Variants in LRRC9 observed in about 807,000 individuals in gnomAD.
The protein encoded by LRRC9 is leucine-rich repeat-containing protein 9.
Under a neutral mutation model 63.2 loss-of-function variants are expected in LRRC9, and 122 were observed. The ratio of observed to expected loss-of-function variants is 1.93; its 90% confidence interval spans 1.67 to 2.24. The LOEUF is 2.24. LRRC9 is among the 30% of genes most tolerant of loss of function. The probability of loss-of-function intolerance (pLI) is 0.00; values close to 1 mark genes in which losing one functional copy is unlikely to be tolerated. For missense variants in LRRC9, 1,071 were observed against 627.7 expected, an observed-to-expected ratio of 1.71 and a Z score of -7.55; for synonymous variants, 366 against 213.1, an observed-to-expected ratio of 1.72 and a Z score of -6.25.
At chr14:60,059,824 G>C (rs1378024962) in intron 31 of LRRC9, among the ~76,000 whole-genome samples, 3 of 152,248 alleles carry the variant, frequency 2.0e-5, no homozygotes, top group African/African-American at 7.2e-5. Context: ...AGCAAGTGCT[G>C]ATGTAGAAGC....
chr14:60,055,916 A>C (rs1028026865), intron 30 of LRRC9, among the ~76,000 whole-genome samples: 1 of 151,188 alleles, frequency 6.6e-6, no homozygotes, highest in African/African-American at 2.4e-5. Flanking sequence ...GAAAAAAAAA[A>C]AAAAAGTATT....
intron 17 of LRRC9, 89 bp from the exon 18 acceptor site, chr14:59,997,567 T>C: frequency 1.7e-6 from 1 of 590,082 alleles, no homozygotes; most frequent in Non-Finnish European, 3.0e-6. Context: ...CCAGGAAGTG[T>C]GTAAAGTATG....
At chr14:59,943,292 C>T (rs138438045) in intron 7 of LRRC9, among the ~76,000 whole-genome samples, 12 of 152,072 alleles carry the variant, frequency 7.9e-5, no homozygotes, top group African/African-American at 2.6e-4. Flanking sequence ...TCAAGTTTTA[C>T]ATTTAAGTCC....
chr14:60,039,824 C>T (rs1170316276), intron 29 of LRRC9, among the ~76,000 whole-genome samples: 1 of 152,056 alleles, frequency 6.6e-6, no homozygotes. Context: ...CGTGTTTGCT[C>T]TTGCTTCTCT....
intron 7 of LRRC9, among the ~76,000 whole-genome samples, chr14:59,940,976 C>T (rs1011241755): frequency 6.6e-5 from 10 of 151,842 alleles, no homozygotes; most frequent in Non-Finnish European, 1.5e-5. Flanking sequence ...TGCATGTGGT[C>T]AGCCTACAAA....
At chr14:59,992,237 C>T (rs965381671) in intron 17 of LRRC9, among the ~76,000 whole-genome samples, 3 of 152,168 alleles carry the variant, frequency 2.0e-5, no homozygotes, top group African/African-American at 7.2e-5. Flanking sequence ...TCCAACAGAC[C>T]TGCAGCTGAG....
At chr14:60,037,234 A>G (rs1327866699) in intron 29 of LRRC9, among the ~76,000 whole-genome samples, 1 of 152,206 alleles carries the variant, frequency 6.6e-6, no homozygotes, top group Non-Finnish European at 1.5e-5. Context: ...ATATGTGTGC[A>G]TGTGTCTTTA....
intron 29 of LRRC9, among the ~76,000 whole-genome samples, chr14:60,040,205 G>A (rs1892826710): frequency 1.3e-5 from 2 of 151,942 alleles, no homozygotes; most frequent in Admixed American, 1.3e-4. Flanking sequence ...TGGAATAAAT[G>A]CGGTGTGGTG....
intron 29 of LRRC9, among the ~76,000 whole-genome samples, chr14:60,045,130 T>C (rs1893305429): frequency 6.6e-6 from 1 of 152,036 alleles, no homozygotes; most frequent in Non-Finnish European, 1.5e-5. Flanking sequence ...TGCTCTTTTA[T>C]TTGAAGGGGC....
chr14:60,047,789 A>T (rs1408463358), intron 29 of LRRC9, among the ~76,000 whole-genome samples: 1 of 152,184 alleles, frequency 6.6e-6, no homozygotes, highest in Non-Finnish European at 1.5e-5. Flanking sequence ...CTCTGGATCA[A>T]GTGGATCTGA....
chr14:59,945,673 T>C (rs1435079303), intron 8 of LRRC9, among the ~76,000 whole-genome samples: 2 of 151,930 alleles, frequency 1.3e-5, no homozygotes, highest in African/African-American at 4.8e-5. Flanking sequence ...TCTGAAAAAA[T>C]GTCTTCAACA....
In LRRC9 at chr14:59,927,775, C is replaced by T; in HGVS notation, c.-33-136C>T. On this transcript the variant is annotated intron_variant, in intron 1 of 31. Coordinates refer to ENST00000445360, the Ensembl canonical transcript of LRRC9. The surrounding 1 kb of genome is among the most constrained non-coding windows in gnomAD (Gnocchi z 4.4). ...ACAGAAAACTCCCTCAGAGTTTATA[C>T]AGATACTTGGTAATATACTATGTGA... is the stretch of plus-strand genomic sequence containing the variant. 5.0e-6 allele frequency: 2 copies of T among 400,836 alleles called. No homozygotes were observed. Among genetic ancestry groups the T allele is most frequent in the Non-Finnish European group, 8.8e-6 (2 of 226,132 alleles). The allele number at this position is 400,836 out of a possible 1,614,324, so 24.8% of individuals were successfully genotyped here.
intron 8 of LRRC9, among the ~76,000 whole-genome samples, chr14:59,952,376 C>A (rs1309028362): frequency 1.3e-5 from 2 of 152,180 alleles, no homozygotes; most frequent in Non-Finnish European, 2.9e-5. Flanking sequence ...GGTGCGCGCA[C>A]CCACTGGCCT....
intron 29 of LRRC9, among the ~76,000 whole-genome samples, chr14:60,033,644 T>A (rs1003547007): frequency 6.6e-6 from 1 of 152,174 alleles, no homozygotes; most frequent in Admixed American, 6.5e-5. Context: ...TATATTTTAT[T>A]GGATTCAATT....
At chr14:60,020,690 C>A (rs1225860206) in intron 26 of LRRC9, among the ~76,000 whole-genome samples, 2 of 151,898 alleles carry the variant, frequency 1.3e-5, no homozygotes, top group Non-Finnish European at 2.9e-5. Context: ...ATTGTATTTT[C>A]TAGACATTGC....
intron 8 of LRRC9, among the ~76,000 whole-genome samples, chr14:59,953,477 G>A (rs150677712): frequency 1.1e-3 from 161 of 152,072 alleles, no homozygotes; most frequent in African/African-American, 3.6e-3. Flanking sequence ...GTGTCTGTTC[G>A]TATCCTTCTT....
intron 23 of LRRC9, among the ~76,000 whole-genome samples, chr14:60,014,130 T>C (rs1890486821): frequency 6.6e-6 from 1 of 152,116 alleles, no homozygotes; most frequent in African/African-American, 2.4e-5. Context: ...CATAACTTAC[T>C]ATAGTCTGTT....
rs142605566 is a variant in LRRC9 at position 59,924,042 on chromosome 14, T to G, written c.-33-3869T>G. On this transcript the variant is annotated intron_variant, in intron 1 of 31. Transcript: ENST00000445360. ...TAGAAAGTCCAAAATTAGGCCCCAGTGTATGTGATCATTTAGAATATAACA... is the reference window on the plus strand; with the variant it reads ...TAGAAAGTCCAAAATTAGGCCCCAGGGTATGTGATCATTTAGAATATAACA... Among the ~76,000 whole-genome samples, 502 of 152,320 alleles carry G rather than the reference T, an allele frequency of 3.3e-3. 5 individuals carry two copies. Among genetic ancestry groups the G allele is most frequent in the African/African-American group, 0.011 (473 of 41,570 alleles).
chr14:60,026,475 T>C (rs1891563869), intron 27 of LRRC9, among the ~76,000 whole-genome samples: 1 of 152,044 alleles, frequency 6.6e-6, no homozygotes, highest in Non-Finnish European at 1.5e-5. Flanking sequence ...TGGTTATTAA[T>C]CCCTTGTCAT....
Sources: allele counts gnomAD v4.1 joint callset (sites outside exome capture counted in the v4.1 genomes callset), GRCh38; gene constraint gnomAD v4.1.1; non-coding constraint Gnocchi (gnomAD v3.1); transcripts MANE v1.5; gene names NCBI Gene and HGNC (gene_info 2026-07-23, HGNC 2026-07-21).